Variants in ZBTB20 observed in about 807,000 individuals in gnomAD.
ZBTB20 encodes the protein zinc finger and BTB domain-containing protein 20.
ZBTB20 carries 9 observed loss-of-function variants against 56.9 expected under a neutral mutation model. The observed-to-expected ratio is 0.16, with a 90% CI of 0.10 to 0.28. The LOEUF is 0.28. Among genes scored for constraint, ZBTB20 ranks in the 10% least tolerant of loss-of-function variants. The pLI is 1.00. For missense variants in ZBTB20, 655 were observed against 1,003.0 expected (o/e 0.65, Z 4.69); for synonymous variants, 417 against 420.7 (o/e 0.99, Z 0.11).
chr3:114,951,344 A>T (rs1185794569), intron 3 of ZBTB20, among the ~76,000 whole-genome samples: 1 of 152,024 alleles, frequency 6.6e-6, no homozygotes, highest in Admixed American at 6.6e-5. Flanking sequence ...TGGCTGGAGG[A>T]CATAAAGGGG....
chr3:114,922,579 G>T (rs770082333), intron 3 of ZBTB20, among the ~76,000 whole-genome samples: 3 of 152,166 alleles, frequency 2.0e-5, no homozygotes, highest in Non-Finnish European at 4.4e-5. Flanking sequence ...TGTGGGCATT[G>T]CTTATTACCT....
intron 7 of ZBTB20, among the ~76,000 whole-genome samples, chr3:114,456,269 A>C (rs1171857496): frequency 3.9e-5 from 6 of 152,038 alleles, no homozygotes; most frequent in African/African-American, 1.4e-4. Flanking sequence ...TTAAGTCTTT[A>C]ATTCATTCTA....
chr3:114,726,781 A>G (rs554771873), intron 5 of ZBTB20, among the ~76,000 whole-genome samples: 11 of 151,972 alleles, frequency 7.2e-5, no homozygotes, highest in Middle Eastern at 3.4e-3. Context: ...GCATGGTGGC[A>G]GGCACCTGTA....
intron 6 of ZBTB20, among the ~76,000 whole-genome samples, chr3:114,662,554 T>G (rs2060798678): frequency 7.0e-6 from 1 of 143,140 alleles, no homozygotes; most frequent in Non-Finnish European, 1.5e-5. Context: ...CTCCACATCC[T>G]CTCCAGCACC....
At chr3:114,453,993 C>CAGCT (rs1182405400) in intron 7 of ZBTB20, among the ~76,000 whole-genome samples, 1 of 133,042 alleles carries the variant, frequency 7.5e-6, no homozygotes, top group African/African-American at 2.8e-5. Flanking sequence ...AATCCCCGGG[C>CAGCT]AGCTACTCCC....
intron 2 of ZBTB20, among the ~76,000 whole-genome samples, chr3:114,988,623 A>C (rs189619127): frequency 6.6e-6 from 1 of 152,264 alleles, no homozygotes; most frequent in Non-Finnish European, 1.5e-5. Flanking sequence ...CTCAGTAATG[A>C]GATGGCTGGG....
At chr3:114,832,926 C>T (rs745891989) in intron 4 of ZBTB20, among the ~76,000 whole-genome samples, 7 of 152,062 alleles carry the variant, frequency 4.6e-5, no homozygotes, top group Non-Finnish European at 1.0e-4. Flanking sequence ...GTAACACGGC[C>T]GTTAAATAAT....
intron 7 of ZBTB20, among the ~76,000 whole-genome samples, chr3:114,456,195 A>ATG (rs1161069796): frequency 2.1e-5 from 3 of 143,784 alleles, no homozygotes; most frequent in African/African-American, 8.5e-5. Context: ...ATGTGTGTTT[A>ATG]TGTATATATA....
At chr3:114,597,043 A>C (rs77364270) in intron 6 of ZBTB20, among the ~76,000 whole-genome samples, 1 of 148,244 alleles carries the variant, frequency 6.7e-6, no homozygotes, top group Non-Finnish European at 1.5e-5. Flanking sequence ...AAATTAAAAA[A>C]ATATATATAT....
At chr3:114,573,280 T>C (rs1183664630) in intron 6 of ZBTB20, among the ~76,000 whole-genome samples, 1 of 151,716 alleles carries the variant, frequency 6.6e-6, no homozygotes, top group Non-Finnish European at 1.5e-5. Flanking sequence ...GGCAACATGG[T>C]GAAACCCTGT....
At chr3:114,771,675 C>T (rs1335885401) in intron 5 of ZBTB20, among the ~76,000 whole-genome samples, 1 of 152,142 alleles carries the variant, frequency 6.6e-6, no homozygotes, top group African/African-American at 2.4e-5. Flanking sequence ...ACCCTTCCAT[C>T]CCAAATACCA....
intron 2 of ZBTB20, among the ~76,000 whole-genome samples, chr3:115,019,337 C>T (rs767759582): frequency 6.6e-6 from 1 of 150,930 alleles, no homozygotes; most frequent in Non-Finnish European, 1.5e-5. Flanking sequence ...TGAATTATAC[C>T]AAGTGAAATC....
At chr3:114,904,108 T>C (rs1183753722) in intron 3 of ZBTB20, among the ~76,000 whole-genome samples, 3 of 151,886 alleles carry the variant, frequency 2.0e-5, no homozygotes, top group Non-Finnish European at 4.4e-5. Context: ...GATGCAGATA[T>C]ACTATAGAGT....
chr3:114,640,696 C>A (rs2059514201), intron 6 of ZBTB20, among the ~76,000 whole-genome samples: 1 of 151,956 alleles, frequency 6.6e-6, no homozygotes, highest in South Asian at 2.1e-4. Flanking sequence ...GTCATAACAC[C>A]ATTTACAGTG....
chr3:114,879,497 G>A (rs1228598128), intron 4 of ZBTB20, among the ~76,000 whole-genome samples: 1 of 151,988 alleles, frequency 6.6e-6, no homozygotes, highest in African/African-American at 2.4e-5. Flanking sequence ...CGAAAACCAC[G>A]GCTTAGTTCT....
chr3:114,823,860 C>T (rs1021225725), intron 4 of ZBTB20, among the ~76,000 whole-genome samples: 5 of 151,908 alleles, frequency 3.3e-5, no homozygotes, highest in Admixed American at 6.6e-5. Flanking sequence ...AAACACCATA[C>T]GTGATTAAAA....
intron 3 of ZBTB20, among the ~76,000 whole-genome samples, chr3:114,955,660 C>A (rs1236744293): frequency 6.6e-6 from 1 of 152,036 alleles, no homozygotes; most frequent in Non-Finnish European, 1.5e-5. Context: ...GGTAAGTCAT[C>A]ATCTTCAAAT....
At chr3:114,863,404 T>C (rs578087894) in intron 4 of ZBTB20, among the ~76,000 whole-genome samples, 1 of 152,128 alleles carries the variant, frequency 6.6e-6, no homozygotes, top group Non-Finnish European at 1.5e-5. Flanking sequence ...GTTACAACTC[T>C]TAATGGATAA....
rs139639550 is a variant in ZBTB20 at position 114,961,634 on chromosome 3, G to C, written c.-456+12732C>G. 9.7e-4 allele frequency among the ~76,000 whole-genome samples: 147 copies of C among 152,184 alleles called. 1 individual carries two copies. The highest frequency in any genetic ancestry group is 3.4e-3 in the African/African-American group (142 of 41,542). On this transcript the variant is annotated intron_variant, in intron 3 of 11. Coordinates refer to ENST00000675478, the MANE Select transcript of ZBTB20 (RefSeq NM_001348800.3). ...TTAAAAATCCAGAGTATCTGTAGTA[G>C]TGCAACTAATGACAACCTTCCCGTT... is the stretch of plus-strand genomic sequence containing the variant.
Sources: gnomAD v4.1 joint callset for allele counts (sites outside exome capture counted in the v4.1 genomes callset) on GRCh38, gnomAD v4.1.1 for gene constraint, MANE v1.5 for transcripts, NCBI Gene and HGNC (gene_info 2026-07-23, HGNC 2026-07-21) for gene names.